ESR2: variants seen among roughly 807,000 people sequenced by gnomAD.
The protein encoded by ESR2 is estrogen receptor beta.
A neutral mutation model predicts 49.6 loss-of-function variants in ESR2; 36 were observed. That is an observed-to-expected ratio of 0.73 (90% confidence interval 0.56 to 0.96). The LOEUF is 0.96. Among genes scored for constraint, ESR2 ranks in the 40% least tolerant of loss-of-function variants. ESR2 has a pLI of 0.00. For missense variants in ESR2, 714 were observed against 693.0 expected, an observed-to-expected ratio of 1.03 and a Z score of -0.34; for synonymous variants, 320 against 266.1, an observed-to-expected ratio of 1.20 and a Z score of -1.97.
In ESR2 at chr14:64,233,142, G is replaced by A; in HGVS notation, c.1588C>T (p.Gln530Ter). The A allele has an allele frequency of 1.2e-6, 2 of 1,613,242 alleles. No individual in the cohort carries two copies. Among genetic ancestry groups the A allele is most frequent in the Non-Finnish European group, 8.5e-7 (1 of 1,179,284 alleles). ...GTTCACCTCAGGGCCAGGCGTCACT[G>A]AGACTGTGGGTTCTGGGAGCCCTCT... ...SKEGSQNPQS[Q>*] is the part of the protein sequence containing the mutation. Residue 530 changes from glutamine to a stop codon, truncating the protein, a stop_gained, in exon 9 of 9, where the codon CAG becomes TAG. Coordinates refer to ENST00000341099, the MANE Select transcript of ESR2 (RefSeq NM_001437.3). LOFTEE classifies it high-confidence loss of function.
rs1402880333 is a variant in ESR2 at position 64,314,889 on chromosome 14, A to G, written c.-91+23009T>C. On this transcript the variant is annotated intron_variant, in intron 1 of 8. Transcript: ENST00000358599. ...CAAGACTCCGTCTCAAAAAAAAAAA[A>G]AAAAAAAAAAAAAGAAAAATTAATA... Among the ~76,000 whole-genome samples, 12 of 150,216 alleles carry G rather than the reference A, an allele frequency of 8.0e-5. No homozygotes were observed. In the East Asian group the frequency reaches 2.1e-3, roughly 27 times the overall value.
At chr14:64,253,602 G>A (rs140268009) in intron 6 of ESR2, among the ~76,000 whole-genome samples, 19,707 of 121,982 alleles carry the variant, frequency 0.16, 1,406 homozygotes, top group East Asian at 0.18. Context: ...GTGTGTGTGT[G>A]TGTATGTATG....
chr14:64,290,761 G>A (rs980492338), intron 1 of ESR2, among the ~76,000 whole-genome samples: 1 of 152,100 alleles, frequency 6.6e-6, no homozygotes, highest in Non-Finnish European at 1.5e-5. Context: ...TTAATATTAG[G>A]AAGATAAAAC....
intron 3 of ESR2, 70 bp from the exon 4 acceptor site, chr14:64,268,981 A>T: frequency 1.2e-6 from 1 of 856,058 alleles, no homozygotes; most frequent in South Asian, 1.5e-5. Flanking sequence ...CCTGGTCAAC[A>T]ACACTGATAA....
At chr14:64,300,974 C>T (rs2077015180) in intron 1 of ESR2, among the ~76,000 whole-genome samples, 1 of 147,446 alleles carries the variant, frequency 6.8e-6, no homozygotes, top group Non-Finnish European at 1.5e-5. Context: ...TCAGCAGTTG[C>T]TTGTAAATCC....
chr14:64,251,312 A>C (rs199753615), intron 6 of ESR2, among the ~76,000 whole-genome samples: 11 of 132,080 alleles, frequency 8.3e-5, no homozygotes, highest in African/African-American at 2.2e-4. Flanking sequence ...TGGGGCAAAA[A>C]AAAAAAAAAA....
At chr14:64,324,017 G>A (rs1462691953) in intron 1 of ESR2, among the ~76,000 whole-genome samples, 1 of 152,116 alleles carries the variant, frequency 6.6e-6, no homozygotes, top group Non-Finnish European at 1.5e-5. Flanking sequence ...TAAAATCTGT[G>A]GTTGTTCAAT....
At chr14:64,290,038 C>T (rs2076846293) in intron 1 of ESR2, among the ~76,000 whole-genome samples, 1 of 152,048 alleles carries the variant, frequency 6.6e-6, no homozygotes, top group South Asian at 2.1e-4. Flanking sequence ...AACAAGCATC[C>T]TTGATGTGCA....
downstream of ESR2, chr14:64,228,173 G>A: frequency 2.8e-6 from 2 of 719,620 alleles, no homozygotes; most frequent in Non-Finnish European, 4.0e-6. Flanking sequence ...TTGTGTTCAG[G>A]TGCCCTTTCC....
At chr14:64,227,969 C>T (rs886219925), downstream of ESR2, 9 of 1,582,128 alleles carry the variant, frequency 5.7e-6, no homozygotes, top group Admixed American at 1.8e-5. Flanking sequence ...AGAATGATTA[C>T]AGAAAATCTA....
intron 7 of ESR2, among the ~76,000 whole-genome samples, chr14:64,242,300 C>T (rs1356004661): frequency 1.3e-5 from 2 of 151,702 alleles, no homozygotes; most frequent in African/African-American, 4.8e-5. Flanking sequence ...ATCCCAGCTA[C>T]TCAGGAGGTT....
chr14:64,246,785 T>C (rs1016921335), intron 7 of ESR2, among the ~76,000 whole-genome samples: 1 of 143,318 alleles, frequency 7.0e-6, no homozygotes. Context: ...GGCTGGACTT[T>C]CCTTATATGC....
At chr14:64,318,550 A>G (rs1367392190) in intron 1 of ESR2, among the ~76,000 whole-genome samples, 4 of 143,846 alleles carry the variant, frequency 2.8e-5, no homozygotes, top group African/African-American at 9.9e-5. Context: ...AAAAAAAAAA[A>G]AAAAAAAAAA....
At chr14:64,269,012 G>A (rs2076387006) in intron 3 of ESR2, 101 bp from the exon 4 acceptor site, 1 of 734,818 alleles carries the variant, frequency 1.4e-6, no homozygotes, top group Non-Finnish European at 2.4e-6. Context: ...CTGAGAGATA[G>A]GGGACATCTT....
intron 1 of ESR2, among the ~76,000 whole-genome samples, chr14:64,307,208 T>A (rs528946607): frequency 2.0e-3 from 300 of 151,748 alleles, no homozygotes; most frequent in African/African-American, 7.0e-3. Context: ...TTAATTTATT[T>A]ATTTATTTAT....
rs151223447 is a variant in ESR2, at chr14:64,265,637, T to C, written c.652+3158A>G. On this transcript the variant is annotated intron_variant, in intron 4 of 8. Coordinates refer to ENST00000341099, the MANE Select transcript of ESR2 (RefSeq NM_001437.3). Reference sequence around the variant, plus strand: ...TCCCAATATGGGGATATAGGCCAAATACATGGCTATTCAGAGGGATTTCCT... The same window carrying C: ...TCCCAATATGGGGATATAGGCCAAACACATGGCTATTCAGAGGGATTTCCT... Among the ~76,000 whole-genome samples, 420 of 152,296 alleles carry C rather than the reference T, an allele frequency of 2.8e-3. 4 individuals are homozygous for C. Among genetic ancestry groups the C allele is most frequent in the African/African-American group, 9.4e-3 (390 of 41,564 alleles).
Position 64,230,884 on chromosome 14 carries a change from TA to T in ESR2, c.*2252del, listed in dbSNP as rs2098726561. 2 of 142,584 alleles carry T rather than the reference TA, an allele frequency of 1.4e-5. No individual in the cohort carries two copies. The highest frequency in any genetic ancestry group is 7.1e-5 in the Admixed American group (1 of 14,040). The allele number at this position is 142,584 out of a possible 1,614,324, so 8.8% of individuals were successfully genotyped here. On this transcript the variant is annotated 3_prime_UTR_variant, in exon 9 of 9. Transcript: ENST00000341099. ...AAAAAATTATATATATATATATATATATATTTCGTGGCAATTTTTTTTTTTT... is the reference window on the plus strand; with the variant it reads ...AAAAAATTATATATATATATATATATTATTTCGTGGCAATTTTTTTTTTTT...
chr14:64,253,604 G>GTGTGTATATA (rs375688515), intron 6 of ESR2, among the ~76,000 whole-genome samples: 107 of 142,904 alleles, frequency 7.5e-4, no homozygotes, highest in Admixed American at 1.0e-3. Context: ...GTGTGTGTGT[G>GTGTGTATATA]TATGTATGTG....
chr14:64,238,193 G>A (rs764974513), intron 7 of ESR2, among the ~76,000 whole-genome samples: 4 of 152,124 alleles, frequency 2.6e-5, no homozygotes, highest in African/African-American at 7.2e-5. Context: ...CCCACTTCAC[G>A]AACCACAGTC....
Sources: gnomAD v4.1 joint callset for allele counts (sites outside exome capture counted in the v4.1 genomes callset) on GRCh38, gnomAD v4.1.1 for gene constraint, MANE v1.5 for transcripts, NCBI Gene and HGNC (gene_info 2026-07-23, HGNC 2026-07-21) for gene names.